SCN9A: variants seen among roughly 807,000 people sequenced by gnomAD.
SCN9A encodes sodium channel protein type 9 subunit alpha.
Under a neutral mutation model 187.0 loss-of-function variants are expected in SCN9A, and 131 were observed. The ratio of observed to expected loss-of-function variants is 0.70; its 90% CI spans 0.61 to 0.81. SCN9A has a LOEUF of 0.81. SCN9A is among the 30% of genes least tolerant of loss of function. The probability of loss-of-function intolerance (pLI) is 0.00; values close to 1 mark genes in which losing one functional copy is unlikely to be tolerated. For missense variants in SCN9A, 2,252 were observed against 2,396.6 expected, an observed-to-expected ratio of 0.94 and a Z score of 1.26; for synonymous variants, 809 against 808.6, an observed-to-expected ratio of 1.00 and a Z score of -0.01.
At chr2:166,348,961 A>T (rs1699967437) in intron 1 of SCN9A, among the ~76,000 whole-genome samples, 1 of 152,012 alleles carries the variant, frequency 6.6e-6, no homozygotes, top group African/African-American at 2.4e-5. Flanking sequence ...CTCCATCTCT[A>T]CTAAAAAAAA....
At chr2:166,200,485 G>A (rs891959381) in intron 26 of SCN9A, among the ~76,000 whole-genome samples, 3 of 151,862 alleles carry the variant, frequency 2.0e-5, no homozygotes, top group South Asian at 2.1e-4. Context: ...AAGCAATACC[G>A]TTAAATGCTA....
chr2:166,315,276 T>A (rs544980017), intron 1 of SCN9A, among the ~76,000 whole-genome samples: 7 of 152,160 alleles, frequency 4.6e-5, no homozygotes, highest in African/African-American at 1.7e-4. Flanking sequence ...GTACCATCTC[T>A]TTCAAGAATT....
At chr2:166,297,800 A>C (rs1698382549) in intron 7 of SCN9A, among the ~76,000 whole-genome samples, 1 of 152,174 alleles carries the variant, frequency 6.6e-6, no homozygotes, top group South Asian at 2.1e-4. Context: ...TTAAAAGGGA[A>C]TGCAGCATAA....
rs768587771 is a variant in SCN9A, at chr2:166,311,519, G to A, written c.238C>T (p.Pro80Ser). 1.3e-5 allele frequency: 21 copies of A among 1,608,188 alleles called. No individual in the cohort carries two copies. The highest frequency in any genetic ancestry group is 1.7e-5 in the Non-Finnish European group (20 of 1,177,252). ...MVSEPLEDLDPYYADKKTFIV... is the reference protein window; with the variant it reads ...MVSEPLEDLDSYYADKKTFIV... ...CTCACCTTTTTGTCTGCATAGTAGG[G>A]GTCCAAGTCCTCCAGGGGCTCTGAC... The change falls in exon 2 of 27, where the codon CCC (proline) becomes TCC (serine). Residue 80 changes from proline (P) to serine (S), a missense_variant. Pro to Ser is a moderately conservative substitution (Grantham distance 74, BLOSUM62 -1). Coordinates refer to ENST00000642356, the MANE Select transcript of SCN9A (RefSeq NM_001365536.1).
At chr2:166,261,716 C>A (rs889625310) in intron 17 of SCN9A, among the ~76,000 whole-genome samples, 36 of 151,730 alleles carry the variant, frequency 2.4e-4, no homozygotes, top group South Asian at 8.3e-4. Flanking sequence ...AACACACACA[C>A]AAAAAAATAG....
chr2:166,251,580 A>G (rs929763456), intron 18 of SCN9A, among the ~76,000 whole-genome samples, 185 bp downstream of exon 18: 1 of 152,074 alleles, frequency 6.6e-6, no homozygotes, highest in African/African-American at 2.4e-5. Flanking sequence ...CAAGTGCCAT[A>G]GATGTGGAAA....
At chr2:166,224,903 C>T (rs897305915) in intron 24 of SCN9A, among the ~76,000 whole-genome samples, 9 of 152,256 alleles carry the variant, frequency 5.9e-5, no homozygotes, top group Admixed American at 4.6e-4. Context: ...AATGAGGATA[C>T]TATGTCTTTT....
chr2:166,262,714 CT>C (rs1558991299), intron 17 of SCN9A, among the ~76,000 whole-genome samples: 3 of 151,908 alleles, frequency 2.0e-5, no homozygotes, highest in African/African-American at 4.8e-5. Flanking sequence ...TTTTCTTAAT[CT>C]TTTAGAATCG....
At chr2:166,348,262 A>T (rs1046544642) in intron 1 of SCN9A, among the ~76,000 whole-genome samples, 1 of 152,042 alleles carries the variant, frequency 6.6e-6, no homozygotes, top group Non-Finnish European at 1.5e-5. Flanking sequence ...AAAAATGACA[A>T]GTAGCTATTT....
intron 1 of SCN9A, among the ~76,000 whole-genome samples, chr2:166,324,375 C>T (rs1574927040): frequency 6.6e-6 from 1 of 151,918 alleles, no homozygotes; most frequent in Middle Eastern, 3.4e-3. Flanking sequence ...GAGATTGAGT[C>T]AGTATAAATA....
chr2:166,280,327 T>G (rs542161487), intron 14 of SCN9A, 30 bp downstream of exon 14: 2 of 1,190,820 alleles, frequency 1.7e-6, no homozygotes, highest in East Asian at 5.1e-5. Context: ...AGAGAAACTA[T>G]GAGTACATAA....
At chr2:166,239,816 A>G (rs184542782) in intron 19 of SCN9A, among the ~76,000 whole-genome samples, 1 of 152,312 alleles carries the variant, frequency 6.6e-6, no homozygotes, top group East Asian at 1.9e-4. Context: ...GGAAGTCTTG[A>G]TGATGAGAAC....
rs200383685 is a variant in SCN9A, at chr2:166,196,327, C to T, written c.*2345G>A. On this transcript the variant is annotated 3_prime_UTR_variant, in exon 27 of 27. Coordinates refer to ENST00000642356, the MANE Select transcript of SCN9A (RefSeq NM_001365536.1). ...CACAAGTAGACATTCCTGAAACAAA[C>T]GTAAATATATATAAAACTTAACCAT... is the stretch of plus-strand genomic sequence containing the variant. The T allele has an allele frequency of 1.2e-4, 18 of 151,310 alleles. No individual in the cohort carries two copies. Among genetic ancestry groups the T allele is most frequent in the Admixed American group, 9.2e-4 (14 of 15,168 alleles). The allele number at this position is 151,310 out of a possible 1,614,324, so 9.4% of individuals were successfully genotyped here.
intron 24 of SCN9A, among the ~76,000 whole-genome samples, chr2:166,208,793 T>C (rs1693940620): frequency 6.6e-6 from 1 of 152,182 alleles, no homozygotes; most frequent in Non-Finnish European, 1.5e-5. Context: ...AGTGGCAACA[T>C]TGCATTGTGG....
At chr2:166,366,837 A>T (rs1700428176) in intron 1 of SCN9A, among the ~76,000 whole-genome samples, 1 of 152,232 alleles carries the variant, frequency 6.6e-6, no homozygotes. Context: ...CCCAAAGTAC[A>T]GTATCTAAGT....
At chr2:166,212,130 T>A (rs1694124609) in intron 24 of SCN9A, among the ~76,000 whole-genome samples, 1 of 152,236 alleles carries the variant, frequency 6.6e-6, no homozygotes, top group South Asian at 2.1e-4. Context: ...TATACAGTCG[T>A]CCTTCAGTAT....
chr2:166,325,858 C>T (rs903799720), intron 1 of SCN9A, among the ~76,000 whole-genome samples: 6 of 152,240 alleles, frequency 3.9e-5, no homozygotes, highest in Non-Finnish European at 2.9e-5. Flanking sequence ...GACAAGGATA[C>T]GCTTAACCCT....
chr2:166,337,922 T>C (rs994580333), intron 1 of SCN9A, among the ~76,000 whole-genome samples: 5 of 152,118 alleles, frequency 3.3e-5, no homozygotes, highest in African/African-American at 1.2e-4. Flanking sequence ...ATTGTTATTA[T>C]CATTATTAGG....
intron 18 of SCN9A, among the ~76,000 whole-genome samples, chr2:166,243,055 C>T (rs1228003341): frequency 6.6e-6 from 1 of 151,996 alleles, no homozygotes; most frequent in African/African-American, 2.4e-5. Context: ...TACTTCCACT[C>T]CTCTATGGTA....
Sources: gnomAD v4.1 joint callset for allele counts (sites outside exome capture counted in the v4.1 genomes callset) on GRCh38, gnomAD v4.1.1 for gene constraint, MANE v1.5 for transcripts, NCBI Gene and HGNC (gene_info 2026-07-23, HGNC 2026-07-21) for gene names.